The following ARL15 variants were observed in gnomAD, a reference collection of about 807,000 sequenced individuals.
The protein encoded by ARL15 is ARF like GTPase 15.
In ARL15, 19 loss-of-function variants were observed where a neutral mutation model predicts 25.2. The observed-to-expected ratio is 0.75, with a 90% CI of 0.53 to 1.10. ARL15 has a LOEUF of 1.10. Among genes scored for constraint, ARL15 ranks in the 50% least tolerant of loss-of-function variants. ARL15 has a pLI of 0.00. For synonymous variants in ARL15, 94 were observed against 86.8 expected (o/e 1.08, Z -0.46); for missense variants, 220 against 246.0 (o/e 0.89, Z 0.71).
rs555206490 is a variant in ARL15, at chr5:54,215,318, G to A, written c.49-43390C>T. On this transcript the variant is annotated intron_variant, in intron 1 of 4. Coordinates refer to ENST00000504924, the MANE Select transcript of ARL15 (RefSeq NM_019087.3). ...TAATGTCAATGACAGGAAGGCTTTG[G>A]TGAACCATTACCATAAATCTGACAA... Among the ~76,000 whole-genome samples, 4 of 152,162 alleles carry A rather than the reference G, an allele frequency of 2.6e-5. No individual in the cohort carries two copies. The South Asian group carries it at 8.3e-4, about 32-fold the overall frequency.
chr5:53,916,449 G>GAC (rs3055357), intron 4 of ARL15, among the ~76,000 whole-genome samples: 142,532 of 151,982 alleles, frequency 0.94, 67,401 homozygotes, highest in Non-Finnish European at 1. Flanking sequence ...AAACCCCAGT[G>GAC]ACACAATTTA....
intron 4 of ARL15, among the ~76,000 whole-genome samples, chr5:54,083,438 C>G (rs1751866653): frequency 6.6e-6 from 1 of 152,076 alleles, no homozygotes; most frequent in Admixed American, 6.6e-5. Flanking sequence ...TAACTTATTG[C>G]AGGGATGGTT....
chr5:54,154,645 A>G lies in ARL15; in HGVS notation c.194-6T>C. 3.3e-6 allele frequency: 5 copies of G among 1,496,360 alleles called. No homozygotes were observed. The Admixed American group carries it at 1.3e-4, about 37-fold the overall frequency. 92.7% of individuals were successfully genotyped at this position (1,496,360 alleles called of 1,614,324 possible). A position where few individuals can be genotyped will look rare whatever the true frequency, so the allele number is the denominator to read the frequency against. On this transcript the variant is annotated splice_region_variant and splice_polypyrimidine_tract_variant and intron_variant, in intron 2 of 4. Transcript: ENST00000504924. ...CACTGCTTTAATACTAAAACCTAAA[A>G]TTAGAAAACAAAAACATAAAAAAAG...
intron 4 of ARL15, among the ~76,000 whole-genome samples, chr5:54,056,494 C>G (rs28520123): frequency 0.14 from 20,837 of 151,462 alleles, 2,369 homozygotes; most frequent in African/African-American, 0.31. Context: ...GCTGGGCATG[C>G]TGGCGTGCCC....
At chr5:53,897,708 C>T (rs1028779814) in intron 4 of ARL15, among the ~76,000 whole-genome samples, 12 of 152,228 alleles carry the variant, frequency 7.9e-5, no homozygotes, top group African/African-American at 2.4e-4. Context: ...TAATGTGTTA[C>T]ACTGATTTTT....
At chr5:54,197,001 T>G (rs1345694891) in intron 1 of ARL15, among the ~76,000 whole-genome samples, 4 of 152,210 alleles carry the variant, frequency 2.6e-5, no homozygotes, top group African/African-American at 4.8e-5. Context: ...AGTCAATATA[T>G]ATTGATTCTT....
intron 4 of ARL15, among the ~76,000 whole-genome samples, chr5:54,051,027 T>C (rs867369757): frequency 5.3e-5 from 8 of 152,216 alleles, no homozygotes; most frequent in African/African-American, 1.9e-4. Context: ...ATACTACTAC[T>C]CAGAGACCCA....
chr5:54,251,163 A>G (rs1173975422), intron 1 of ARL15, among the ~76,000 whole-genome samples: 1 of 152,214 alleles, frequency 6.6e-6, no homozygotes, highest in Non-Finnish European at 1.5e-5. Flanking sequence ...AAGAAGGAAG[A>G]AGATAAGTAA....
At chr5:53,946,139 A>G (rs761681121) in intron 4 of ARL15, among the ~76,000 whole-genome samples, 1 of 152,220 alleles carries the variant, frequency 6.6e-6, no homozygotes, top group African/African-American at 2.4e-5. Flanking sequence ...TGAAGTGCCT[A>G]GCACAGAACT....
chr5:53,951,587 A>C, intron 4 of ARL15: 1 of 468,810 alleles, frequency 2.1e-6, no homozygotes, highest in Non-Finnish European at 4.4e-6. Context: ...ACACAAGAAT[A>C]CCTTCACATA....
chr5:54,037,452 C>A (rs273222), intron 4 of ARL15, among the ~76,000 whole-genome samples: 118,732 of 151,886 alleles, frequency 0.78, 46,687 homozygotes, highest in East Asian at 0.85. Flanking sequence ...AGAAAGTAAT[C>A]ATTTATTTTT....
intron 3 of ARL15, among the ~76,000 whole-genome samples, chr5:54,136,543 G>A (rs182762433): frequency 8.6e-4 from 130 of 151,966 alleles, no homozygotes; most frequent in South Asian, 1.9e-3. Flanking sequence ...CAAGATTCAC[G>A]CAAACTGATC....
At chr5:54,141,259 T>C (rs1753773460) in intron 3 of ARL15, among the ~76,000 whole-genome samples, 2 of 152,194 alleles carry the variant, frequency 1.3e-5, no homozygotes, top group African/African-American at 4.8e-5. Context: ...GATAATTTCT[T>C]TATCTTAGAG....
chr5:54,264,443 C>G (rs1458186128), intron 1 of ARL15, among the ~76,000 whole-genome samples: 1 of 152,144 alleles, frequency 6.6e-6, no homozygotes, highest in African/African-American at 2.4e-5. Context: ...CGAGAGTGAT[C>G]CTTTAAAAAT....
intron 1 of ARL15, among the ~76,000 whole-genome samples, chr5:54,173,499 T>G (rs1754781268): frequency 6.6e-6 from 1 of 152,174 alleles, no homozygotes; most frequent in South Asian, 2.1e-4. Flanking sequence ...ACTAATTGGC[T>G]GTCATACTCT....
At chr5:54,182,386 C>G (rs1368451268) in intron 1 of ARL15, among the ~76,000 whole-genome samples, 2 of 143,050 alleles carry the variant, frequency 1.4e-5, no homozygotes, top group Non-Finnish European at 3.1e-5. Context: ...GTTTTCCCAG[C>G]ACCATTTATT....
chr5:54,294,612 T>C (rs1422094158), intron 1 of ARL15, among the ~76,000 whole-genome samples: 2 of 152,252 alleles, frequency 1.3e-5, no homozygotes, highest in Non-Finnish European at 2.9e-5. Context: ...TGCTGCAAGA[T>C]CTTTTAACAC....
intron 4 of ARL15, among the ~76,000 whole-genome samples, chr5:53,896,868 GT>G (rs1261043507): frequency 2.0e-5 from 3 of 152,276 alleles, no homozygotes; most frequent in Non-Finnish European, 2.9e-5. Flanking sequence ...TCAAAAAATA[GT>G]TGTGACAACT....
At chr5:54,074,256 A>G (rs1270862901) in intron 4 of ARL15, among the ~76,000 whole-genome samples, 1 of 152,208 alleles carries the variant, frequency 6.6e-6, no homozygotes, top group Non-Finnish European at 1.5e-5. Flanking sequence ...TCATCTAAAG[A>G]AGGAGGATGA....
Sources: gnomAD v4.1 joint callset for allele counts (sites outside exome capture counted in the v4.1 genomes callset) on GRCh38, gnomAD v4.1.1 for gene constraint, MANE v1.5 for transcripts, NCBI Gene and HGNC (gene_info 2026-07-23, HGNC 2026-07-21) for gene names.